The following CALN1 variants were observed in gnomAD, a reference collection of about 807,000 sequenced individuals.
The protein encoded by CALN1 is calcium-binding protein 8.
Under a neutral mutation model 30.6 loss-of-function variants are expected in CALN1, and 17 were observed. That is an observed-to-expected ratio of 0.56 (90% CI 0.38 to 0.83). CALN1 has a LOEUF of 0.83. Ranked by LOEUF, CALN1 falls within the 40% of genes least tolerant of loss-of-function variation. The pLI, the probability that CALN1 is intolerant of heterozygous loss-of-function variation, is 0.00. For missense variants in CALN1, 291 were observed against 354.9 expected (o/e 0.82, Z 1.45); for synonymous variants, 156 against 131.4 (o/e 1.19, Z -1.28).
At chr7:71,886,745 C>T (rs1201426177) in intron 5 of CALN1, among the ~76,000 whole-genome samples, 1 of 149,086 alleles carries the variant, frequency 6.7e-6, no homozygotes, top group Admixed American at 6.7e-5. Flanking sequence ...TGCACTCCAG[C>T]CTGGACAACA....
chr7:71,980,322 G>A (rs529865627), intron 5 of CALN1, among the ~76,000 whole-genome samples: 54 of 151,124 alleles, frequency 3.6e-4, no homozygotes, highest in African/African-American at 1.3e-3. Context: ...GTGTAGCTGG[G>A]ATTACAGGTG....
intron 3 of CALN1, among the ~76,000 whole-genome samples, chr7:72,182,059 AGCTT>A (rs1355754901): frequency 1.3e-5 from 2 of 152,234 alleles, no homozygotes; most frequent in Non-Finnish European, 2.9e-5. Flanking sequence ...AATCATTTAT[AGCTT>A]GCCTTAGAGA....
chr7:72,314,190 C>A (rs1007233146), intron 2 of CALN1, among the ~76,000 whole-genome samples: 1 of 152,170 alleles, frequency 6.6e-6, no homozygotes, highest in African/African-American at 2.4e-5. Flanking sequence ...CCACCATCCC[C>A]CTCCCTGACG....
intron 2 of CALN1, among the ~76,000 whole-genome samples, chr7:72,378,978 G>A (rs2129560710): frequency 6.6e-6 from 1 of 152,282 alleles, no homozygotes; most frequent in Non-Finnish European, 1.5e-5. Flanking sequence ...TCCTTAGTCT[G>A]TTATGGTGAA....
At chr7:71,989,268 T>C (rs891763630) in intron 5 of CALN1, among the ~76,000 whole-genome samples, 4 of 151,936 alleles carry the variant, frequency 2.6e-5, no homozygotes, top group African/African-American at 9.7e-5. Flanking sequence ...TGAAACCCCG[T>C]CTCTACTAAA....
rs935035882 is a variant in CALN1, at chr7:72,366,190, T to C, written c.119+37061A>G. On this transcript the variant is annotated intron_variant, in intron 2 of 6. Transcript: ENST00000395275. Reference sequence around the variant, plus strand: ...ATTTTTTATTTTATTTTATTTATTTTTGAGACAGAGTCCCACTCTTTCACC... The same window carrying C: ...ATTTTTTATTTTATTTTATTTATTTCTGAGACAGAGTCCCACTCTTTCACC... Among the ~76,000 whole-genome samples the C allele has an allele frequency of 2.6e-5, 4 of 152,188 alleles. No homozygotes were observed. In the South Asian group the frequency reaches 8.3e-4, roughly 32 times the overall value.
intron 5 of CALN1, among the ~76,000 whole-genome samples, chr7:71,900,217 G>A (rs973679121): frequency 6.6e-6 from 1 of 152,020 alleles, no homozygotes; most frequent in Admixed American, 6.6e-5. Context: ...AAAAGAAAAT[G>A]CAAATAACTA....
chr7:72,144,668 A>G (rs1810216080), intron 3 of CALN1, among the ~76,000 whole-genome samples: 1 of 152,216 alleles, frequency 6.6e-6, no homozygotes, highest in Non-Finnish European at 1.5e-5. Flanking sequence ...AACAGACTAT[A>G]CATTCTTCTC....
intron 4 of CALN1, among the ~76,000 whole-genome samples, chr7:72,040,167 G>A (rs1221066157): frequency 6.6e-6 from 1 of 152,056 alleles, no homozygotes; most frequent in African/African-American, 2.4e-5. Context: ...ATCCTTTAAT[G>A]TCAACCTCTT....
intron 3 of CALN1, among the ~76,000 whole-genome samples, chr7:72,262,487 T>G (rs945485480): frequency 6.6e-6 from 1 of 152,232 alleles, no homozygotes; most frequent in African/African-American, 2.4e-5. Flanking sequence ...TAGGTAGTTC[T>G]TCAACGTGCC....
intron 4 of CALN1, among the ~76,000 whole-genome samples, chr7:72,096,852 A>T (rs1183488255): frequency 6.6e-6 from 1 of 152,236 alleles, no homozygotes; most frequent in Non-Finnish European, 1.5e-5. Context: ...ATAAAGACAC[A>T]TGCACACATA....
intron 5 of CALN1, among the ~76,000 whole-genome samples, chr7:71,848,046 A>G (rs1056367984): frequency 2.0e-5 from 3 of 152,202 alleles, no homozygotes; most frequent in African/African-American, 7.2e-5. Context: ...AATACCCGCA[A>G]TAGTGTTAGA....
At chr7:71,812,816 T>C (rs1177078708) in intron 5 of CALN1, among the ~76,000 whole-genome samples, 1 of 151,982 alleles carries the variant, frequency 6.6e-6, no homozygotes, top group Non-Finnish European at 1.5e-5. Flanking sequence ...TGATCACAGC[T>C]CACTGCAACT....
At chr7:72,348,576 G>A (rs1374708262) in intron 2 of CALN1, among the ~76,000 whole-genome samples, 1 of 152,200 alleles carries the variant, frequency 6.6e-6, no homozygotes, top group Non-Finnish European at 1.5e-5. Context: ...AACAGTTAGT[G>A]GAGAGTTGTT....
At chr7:71,792,424 C>T (rs374822104) in intron 6 of CALN1, among the ~76,000 whole-genome samples, 122 of 152,182 alleles carry the variant, frequency 8.0e-4, no homozygotes, top group African/African-American at 2.8e-3. Flanking sequence ...TTCCCTGGGG[C>T]GATTTAAAGT....
At position 72,129,546 on chromosome 7, in the gene CALN1, G is replaced by A. The variant is rs1444010948; in HGVS notation, c.245-23252C>T. ...GTTAGGAGTGATATTGGTTCTGTGG[G>A]GTTTCTTAAGTCCTCATATTTTTGG... On this transcript the variant is annotated intron_variant, in intron 3 of 6. Coordinates refer to ENST00000395275, the MANE Select transcript of CALN1 (RefSeq NM_031468.4). Among the ~76,000 whole-genome samples, 3 of 152,186 alleles carry A rather than the reference G, an allele frequency of 2.0e-5. No individual in the cohort carries two copies. The East Asian group carries it at 5.8e-4, about 29-fold the overall frequency.
intron 2 of CALN1, among the ~76,000 whole-genome samples, chr7:72,388,544 G>A (rs1310701312): frequency 1.3e-5 from 2 of 152,148 alleles, no homozygotes; most frequent in African/African-American, 2.4e-5. Context: ...AATGCTAATG[G>A]GCGATACTGC....
chr7:71,809,899 G>A (rs1787843757), intron 6 of CALN1, among the ~76,000 whole-genome samples: 1 of 151,762 alleles, frequency 6.6e-6, no homozygotes, highest in Admixed American at 6.6e-5. Flanking sequence ...CGAAGTAGGT[G>A]TAATCATCCT....
chr7:72,365,187 C>G (rs1305765818), intron 2 of CALN1, among the ~76,000 whole-genome samples: 1 of 152,098 alleles, frequency 6.6e-6, no homozygotes, highest in Non-Finnish European at 1.5e-5. Context: ...TGACTGTAAT[C>G]CCACCTACTC....
Sources: gnomAD v4.1 joint callset for allele counts (sites outside exome capture counted in the v4.1 genomes callset) on GRCh38, gnomAD v4.1.1 for gene constraint, MANE v1.5 for transcripts, NCBI Gene and HGNC (gene_info 2026-07-23, HGNC 2026-07-21) for gene names.